ARHGAP26: variants seen among roughly 807,000 people sequenced by gnomAD.
ARHGAP26 encodes the protein Rho GTPase activating protein 26.
In ARHGAP26, 38 loss-of-function variants were observed where a neutral mutation model predicts 104.8. That is an observed-to-expected ratio of 0.36 (90% CI 0.28 to 0.48). The LOEUF (loss-of-function observed/expected upper bound fraction) is 0.48, where lower values mean the gene tolerates loss of function less well. Ranked by LOEUF, ARHGAP26 falls within the 20% of genes least tolerant of loss-of-function variation. The probability of loss-of-function intolerance (pLI) is 0.99; values close to 1 mark genes in which losing one functional copy is unlikely to be tolerated. For synonymous variants in ARHGAP26, 341 were observed against 340.0 expected (o/e 1.00, Z -0.03); for missense variants, 704 against 947.9 (o/e 0.74, Z 3.38).
At chr5:143,127,133 A>AC (rs1300903470) in intron 18 of ARHGAP26, among the ~76,000 whole-genome samples, 1 of 152,246 alleles carries the variant, frequency 6.6e-6, no homozygotes, top group Admixed American at 6.5e-5. Context: ...AAGGACAACC[A>AC]TATCAAGAAA....
At chr5:142,839,813 A>G (rs1206455070) in intron 1 of ARHGAP26, among the ~76,000 whole-genome samples, 3 of 150,024 alleles carry the variant, frequency 2.0e-5, no homozygotes, top group East Asian at 2.0e-4. Context: ...AGCTTCTTCA[A>G]GTCCAAAGAG....
chr5:143,102,838 C>A (rs3776314), intron 17 of ARHGAP26, among the ~76,000 whole-genome samples: 14,221 of 151,994 alleles, frequency 0.094, 1,029 homozygotes, highest in East Asian at 0.21. Context: ...CTTTTTTCAC[C>A]TCCCTTGCTT....
At position 142,800,596 on chromosome 5, in the gene ARHGAP26, C is replaced by T. The variant is rs13175511; in HGVS notation, c.154+29681C>T. 4.1e-3 allele frequency among the ~76,000 whole-genome samples: 621 copies of T among 152,274 alleles called. 1 individual carries two copies. The highest frequency in any genetic ancestry group is 0.012 in the African/African-American group (493 of 41,556). ...CAGGCTGGTCTCTAACTCCTGACCT[C>T]AGGTGATCCACCCACTCAGCCTCCC... On this transcript the variant is annotated intron_variant, in intron 1 of 22. Transcript: ENST00000645722.
intron 7 of ARHGAP26, among the ~76,000 whole-genome samples, chr5:142,903,178 G>A (rs1474098237): frequency 2.6e-5 from 4 of 152,178 alleles, no homozygotes; most frequent in Admixed American, 6.5e-5. Flanking sequence ...AGAAATGAAC[G>A]CCTAGGTCCT....
chr5:143,138,189 A>G (rs1194609558), intron 19 of ARHGAP26, among the ~76,000 whole-genome samples: 1 of 152,142 alleles, frequency 6.6e-6, no homozygotes, highest in African/African-American at 2.4e-5. Flanking sequence ...CTAAACGTAA[A>G]GCTGTGGTCT....
chr5:142,921,953 G>T (rs116300342), intron 10 of ARHGAP26: 1 of 152,114 alleles, frequency 6.6e-6, no homozygotes, highest in African/African-American at 2.4e-5. Context: ...CCTGCTTTTT[G>T]TCTTAATGGT....
chr5:143,079,788 C>T (rs1789546508), intron 17 of ARHGAP26, among the ~76,000 whole-genome samples: 1 of 152,132 alleles, frequency 6.6e-6, no homozygotes, highest in Admixed American at 6.5e-5. Context: ...AGTGGTGCAG[C>T]GTGCCTAGGG....
At chr5:142,928,299 T>C (rs181441775) in intron 10 of ARHGAP26, among the ~76,000 whole-genome samples, 7 of 151,644 alleles carry the variant, frequency 4.6e-5, no homozygotes, top group African/African-American at 1.5e-4. Flanking sequence ...AGATAAAACA[T>C]GGAGAACCAC....
At chr5:142,925,528 A>G (rs1487359666) in intron 10 of ARHGAP26, among the ~76,000 whole-genome samples, 1 of 152,152 alleles carries the variant, frequency 6.6e-6, no homozygotes, top group East Asian at 1.9e-4. Context: ...TCTTTGTGTA[A>G]ATGAAGCTCT....
At chr5:142,914,979 G>C (rs1385417177) in intron 10 of ARHGAP26, among the ~76,000 whole-genome samples, 1 of 152,134 alleles carries the variant, frequency 6.6e-6, no homozygotes, top group Non-Finnish European at 1.5e-5. Flanking sequence ...CTTTGAAGAG[G>C]GCATGCTTTG....
At chr5:142,975,652 A>G (rs1004352154) in intron 11 of ARHGAP26, among the ~76,000 whole-genome samples, 16 of 152,086 alleles carry the variant, frequency 1.1e-4, no homozygotes, top group Admixed American at 7.9e-4. Context: ...TCATCTCCCA[A>G]TCGACAGTCA....
intron 1 of ARHGAP26, among the ~76,000 whole-genome samples, chr5:142,818,932 G>T (rs1432929754): frequency 6.6e-6 from 1 of 152,064 alleles, no homozygotes; most frequent in Non-Finnish European, 1.5e-5. Flanking sequence ...GGGTATATCT[G>T]GGAAGGGTGC....
intron 11 of ARHGAP26, among the ~76,000 whole-genome samples, chr5:143,004,272 A>C (rs754029421): frequency 6.6e-6 from 1 of 152,148 alleles, no homozygotes; most frequent in Admixed American, 6.6e-5. Context: ...AAGGACTCAG[A>C]TATAGGAGCA....
At chr5:143,182,088 C>T (rs1804464920) in intron 20 of ARHGAP26, among the ~76,000 whole-genome samples, 1 of 152,250 alleles carries the variant, frequency 6.6e-6, no homozygotes. Context: ...CTGATCCTTA[C>T]ATGCTATAGC....
chr5:143,005,065 T>C (rs767228366), intron 11 of ARHGAP26, among the ~76,000 whole-genome samples: 30 of 152,120 alleles, frequency 2.0e-4, no homozygotes, highest in Admixed American at 1.3e-4. Flanking sequence ...AAAGCACAAG[T>C]AGGCTTTTCT....
At chr5:142,940,264 G>A (rs1403804005) in intron 11 of ARHGAP26, among the ~76,000 whole-genome samples, 1 of 152,144 alleles carries the variant, frequency 6.6e-6, no homozygotes, top group African/African-American at 2.4e-5. Context: ...AGCTTGCTAG[G>A]CTCTAGTGTG....
At chr5:142,912,138 G>C (rs1305208316) in intron 9 of ARHGAP26, among the ~76,000 whole-genome samples, 9 of 152,192 alleles carry the variant, frequency 5.9e-5, no homozygotes, top group Non-Finnish European at 8.8e-5. Flanking sequence ...AGAAATCAGG[G>C]ACAGCAACTT....
At chr5:143,044,911 G>C (rs1317190972) in intron 14 of ARHGAP26, among the ~76,000 whole-genome samples, 1 of 152,186 alleles carries the variant, frequency 6.6e-6, no homozygotes, top group African/African-American at 2.4e-5. Flanking sequence ...TGAGTATACA[G>C]AGAGAATCAA....
chr5:142,816,178 A>G (rs907710257), intron 1 of ARHGAP26, among the ~76,000 whole-genome samples: 1 of 152,146 alleles, frequency 6.6e-6, no homozygotes, highest in African/African-American at 2.4e-5. Flanking sequence ...TTTGGGTACA[A>G]TTTGATTGAA....
Sources: allele counts gnomAD v4.1 joint callset (sites outside exome capture counted in the v4.1 genomes callset), GRCh38; gene constraint gnomAD v4.1.1; transcripts MANE v1.5; gene names NCBI Gene and HGNC (gene_info 2026-07-23, HGNC 2026-07-21).